BAZ1B: variants seen among roughly 807,000 people sequenced by gnomAD.
BAZ1B encodes bromodomain adjacent to zinc finger domain 1B, also known as tyrosine-protein kinase BAZ1B.
A neutral mutation model predicts 153.8 loss-of-function variants in BAZ1B; 22 were observed. The observed-to-expected ratio is 0.14, with a 90% CI of 0.10 to 0.20. The LOEUF is 0.20. BAZ1B is among the 10% of genes least tolerant of loss of function. The pLI is 1.00. For missense variants in BAZ1B, 1,325 were observed against 1,799.3 expected (o/e 0.74, Z 4.77); for synonymous variants, 676 against 633.4 (o/e 1.07, Z -1.01).
In BAZ1B at chr7:73,442,430, A is replaced by G. The variant is rs1563359384; in HGVS notation, c.4218T>C (p.Thr1406=). 6.2e-7 allele frequency: 1 copy of G among 1,614,222 alleles called. No individual in the cohort carries two copies. The highest frequency in any genetic ancestry group is 8.5e-7 in the Non-Finnish European group (1 of 1,180,046). The change falls in exon 19 of 20, where the codon ACT becomes ACC. Residue 1406 remains threonine (T), a synonymous_variant. Coordinates refer to ENST00000339594, the MANE Select transcript of BAZ1B (RefSeq NM_032408.4). The part of the protein sequence containing the change: ...GSYRSVQEFL[T]DMKQVFTNAE... ...CATTGGTAAACACTTGCTTCATGTCAGTAAGAAACTCCTGCACAGAGCGGT... is the reference window on the plus strand; with the variant it reads ...CATTGGTAAACACTTGCTTCATGTCGGTAAGAAACTCCTGCACAGAGCGGT...
intron 11 of BAZ1B, 140 bp from the exon 12 acceptor site, chr7:73,463,239 C>CTTTTTTT (rs11340027): frequency 1.3e-4 from 60 of 466,512 alleles, no homozygotes; most frequent in African/African-American, 1.7e-4. Context: ...TTTCTTTTTT[C>CTTTTTTT]TTTTTTTTTT....
chr7:73,476,950 G>A lies in BAZ1B; in HGVS notation c.2511C>T (p.Asp837=). The change falls in exon 7 of 20, where the codon GAC becomes GAT. Residue 837 remains aspartate (D), a synonymous_variant. Coordinates refer to ENST00000339594, the MANE Select transcript of BAZ1B (RefSeq NM_032408.4). ...TTCTGCTCTTCACAGCACTAATCAT[G>A]TCTTCAGCTTCTGTATCTACTTGGG... The part of the protein sequence containing the change: ...FEPQVDTEAE[D]MISAVKSRRL... 6.2e-7 allele frequency: 1 copy of A among 1,614,070 alleles called. No individual in the cohort carries two copies. The highest frequency in any genetic ancestry group is 8.5e-7 in the Non-Finnish European group (1 of 1,180,036).
intron 12 of BAZ1B, among the ~76,000 whole-genome samples, chr7:73,461,366 A>C (rs1788391137): frequency 1.3e-5 from 2 of 152,264 alleles, no homozygotes; most frequent in South Asian, 4.1e-4. Context: ...TGTCAATCAC[A>C]CAAGACATGC....
chr7:73,484,284 G>T (rs1388071418), intron 6 of BAZ1B, among the ~76,000 whole-genome samples: 3 of 147,294 alleles, frequency 2.0e-5, no homozygotes, highest in Non-Finnish European at 4.6e-5. Context: ...GGGAGGGACG[G>T]AGGGAGGAAG....
At chr7:73,444,482 A>G (rs1787751271) in intron 16 of BAZ1B, among the ~76,000 whole-genome samples, 1 of 152,234 alleles carries the variant, frequency 6.6e-6, no homozygotes, top group African/African-American at 2.4e-5. Flanking sequence ...CTAATAGGTC[A>G]GCCTGGATTT....
chr7:73,463,104 A>C lies in BAZ1B; in HGVS notation c.3072-5T>G, dbSNP rs782127077. On this transcript the variant is annotated splice_polypyrimidine_tract_variant and splice_region_variant and intron_variant, in intron 11 of 19. Coordinates refer to ENST00000339594, the MANE Select transcript of BAZ1B (RefSeq NM_032408.4). ...GAGTGAATAATGTCCTGGTACCTAG[A>C]AGATTTGGGACAAGAGAATGGGGAA... 3.8e-6 allele frequency: 6 copies of C among 1,599,488 alleles called. No homozygotes were observed. The highest frequency in any genetic ancestry group is 4.3e-6 in the Non-Finnish European group (5 of 1,173,834).
chr7:73,443,152 AGAACAG>A (rs1273181388), intron 17 of BAZ1B, among the ~76,000 whole-genome samples: 2 of 152,236 alleles, frequency 1.3e-5, no homozygotes, highest in Non-Finnish European at 2.9e-5. Flanking sequence ...TAGCTCTCAG[AGAACAG>A]GTGGACCTGG....
Position 73,475,792 on chromosome 7 carries a change from C to T in BAZ1B, c.2593+1076G>A, listed in dbSNP as rs555411059. Among the ~76,000 whole-genome samples, 322 of 152,138 alleles carry T rather than the reference C, an allele frequency of 2.1e-3. 1 individual carries two copies. Among genetic ancestry groups the T allele is most frequent in the Non-Finnish European group, 3.4e-3 (228 of 67,970 alleles). ...CACAAAAATTGGCCAGGCATGATGG[C>T]GCATGCCTGTAATCCCAGCTACTCG... On this transcript the variant is annotated intron_variant, in intron 7 of 19. Coordinates refer to ENST00000339594, the MANE Select transcript of BAZ1B (RefSeq NM_032408.4).
intron 5 of BAZ1B, among the ~76,000 whole-genome samples, chr7:73,491,689 C>T (rs782760028): frequency 2.0e-5 from 3 of 152,170 alleles, no homozygotes; most frequent in African/African-American, 7.2e-5. Flanking sequence ...AGAATGGAAT[C>T]GGACTTGTCA....
intron 5 of BAZ1B, 100 bp downstream of exon 5, chr7:73,492,699 CA>C (rs1789700691): frequency 8.3e-7 from 1 of 1,203,606 alleles, no homozygotes; most frequent in African/African-American, 1.5e-5. Flanking sequence ...GCTGTACATT[CA>C]TTTACATTTT....
chr7:73,467,189 TCCC>T (rs1563374147), intron 9 of BAZ1B, among the ~76,000 whole-genome samples: 1 of 151,870 alleles, frequency 6.6e-6, no homozygotes. Context: ...CGCCTTGGCC[TCCC>T]AAGTGCTGGG....
At position 73,447,360 on chromosome 7, in the gene BAZ1B, C is replaced by A; in HGVS notation, c.3748G>T (p.Ala1250Ser). ...SRGRNYTEES[A>S]SEDSEDDESD... ...TCATCATCTTCACTGTCCTCAGAAG[C>A]AGACTCTTCAGTATAGTTCCTGTGG... The change falls in exon 16 of 20, where the codon GCT (alanine) becomes TCT (serine). Residue 1250 changes from alanine (A) to serine (S), a missense_variant. Physicochemically the swap from Ala to Ser is moderately conservative, Grantham distance 99. Around this residue, in one of 9 missense-constraint regions of BAZ1B, gnomAD observed 271 missense variants for 337.2 expected, o/e 0.80. Coordinates refer to ENST00000339594, the MANE Select transcript of BAZ1B (RefSeq NM_032408.4). The A allele has an allele frequency of 1.9e-6, 3 of 1,613,632 alleles. No individual in the cohort carries two copies. The African/African-American group carries it at 4.0e-5, about 22-fold the overall frequency.
At chr7:73,495,647 T>C (rs909621544) in intron 4 of BAZ1B, among the ~76,000 whole-genome samples, 24 of 152,002 alleles carry the variant, frequency 1.6e-4, no homozygotes, top group Admixed American at 5.2e-4. Context: ...ATGCCAACAA[T>C]GGACACAAGA....
At chr7:73,500,198 G>A (rs1422728060) in intron 3 of BAZ1B, among the ~76,000 whole-genome samples, 1 of 152,032 alleles carries the variant, frequency 6.6e-6, no homozygotes, top group African/African-American at 2.4e-5. Context: ...TTTCTATTCA[G>A]CCTCAACAAA....
chr7:73,442,220 G>A lies in BAZ1B; in HGVS notation c.4428C>T (p.Ser1476=), dbSNP rs375207459. The change falls in exon 19 of 20, where the codon TCC becomes TCT. Residue 1476 remains serine, a synonymous_variant. Coordinates refer to ENST00000339594, the MANE Select transcript of BAZ1B (RefSeq NM_032408.4). ...TCTACTTCTTCTGTCTTCGTCCCCT[G>A]GACTGTCCAACGGCCTCTGGCTCAC... The part of the protein sequence containing the change: ...GDSEPEAVGQ[S]RGRRQKK 6.5e-5 allele frequency: 91 copies of A among 1,406,456 alleles called. No individual in the cohort carries two copies. The highest frequency in any genetic ancestry group is 8.2e-5 in the Non-Finnish European group (86 of 1,053,774). 87.1% of individuals were successfully genotyped at this position (1,406,456 alleles called of 1,614,324 possible).
chr7:73,442,136 T>TAACCAC, intron 19 of BAZ1B, 45 bp downstream of exon 19: 1 of 573,492 alleles, frequency 1.7e-6, no homozygotes, highest in Non-Finnish European at 3.2e-6. Flanking sequence ...CTCGCTCGCC[T>TAACCAC]CCCTCCCACC....
intron 6 of BAZ1B, among the ~76,000 whole-genome samples, chr7:73,483,824 G>A (rs1366299904): frequency 6.6e-6 from 1 of 152,032 alleles, no homozygotes; most frequent in African/African-American, 2.4e-5. Flanking sequence ...TGTGTATGTA[G>A]AAACAGGGTC....
chr7:73,514,040 G>A (rs1008122221), intron 1 of BAZ1B, among the ~76,000 whole-genome samples: 2 of 152,144 alleles, frequency 1.3e-5, no homozygotes, highest in African/African-American at 4.8e-5. Context: ...TCAGATTTTG[G>A]AGTATTTGCA....
intron 6 of BAZ1B, among the ~76,000 whole-genome samples, chr7:73,488,973 C>T (rs1789528736): frequency 6.6e-6 from 1 of 152,120 alleles, no homozygotes; most frequent in African/African-American, 2.4e-5. Context: ...TAAAATTATG[C>T]TAGCATAATA....
Sources: allele counts gnomAD v4.1 joint callset (sites outside exome capture counted in the v4.1 genomes callset), GRCh38; gene constraint gnomAD v4.1.1; regional missense constraint gnomAD v4.1.1; transcripts MANE v1.5; gene names NCBI Gene and HGNC (gene_info 2026-07-23, HGNC 2026-07-21).